Variants in ENTREP2 observed in about 807,000 individuals in gnomAD.
ENTREP2 encodes protein ENTREP2.
the ENTREP2 span, among the ~76,000 whole-genome samples, chr15:29,620,900 G>T: frequency 6.6e-6 from 1 of 152,064 alleles, no homozygotes; most frequent in Non-Finnish European, 1.5e-5. Flanking sequence ...GATGTTTCTT[G>T]TTAGAAGCTG....
the ENTREP2 span, among the ~76,000 whole-genome samples, chr15:29,283,666 A>C: frequency 6.6e-6 from 1 of 152,232 alleles, no homozygotes; most frequent in African/African-American, 2.4e-5. Flanking sequence ...GGTTTGAAGG[A>C]AGGAGACAGC....
At chr15:29,415,753 G>A in the ENTREP2 span, among the ~76,000 whole-genome samples, 15 of 152,022 alleles carry the variant, frequency 9.9e-5, no homozygotes, top group Non-Finnish European at 1.9e-4. Context: ...AGAAAACCCC[G>A]TCGTCTCAGC....
the ENTREP2 span, among the ~76,000 whole-genome samples, chr15:29,242,786 G>A: frequency 1.3e-5 from 2 of 152,202 alleles, no homozygotes; most frequent in South Asian, 2.1e-4. Context: ...TCAGAGAACC[G>A]CAGAGCTGGG....
the ENTREP2 span, among the ~76,000 whole-genome samples, chr15:29,514,244 G>GC: frequency 6.6e-6 from 1 of 151,992 alleles, no homozygotes; most frequent in Non-Finnish European, 1.5e-5. Context: ...CCTCCCTCCA[G>GC]CCCCCGGCAA....
the ENTREP2 span, among the ~76,000 whole-genome samples, chr15:29,294,971 T>C: frequency 6.6e-6 from 1 of 152,116 alleles, no homozygotes; most frequent in Non-Finnish European, 1.5e-5. Context: ...AGGCTGTCGG[T>C]GCTGCAAGGA....
At chr15:29,118,954 C>G in the ENTREP2 span, among the ~76,000 whole-genome samples, 2 of 152,184 alleles carry the variant, frequency 1.3e-5, no homozygotes, top group African/African-American at 2.4e-5. Context: ...TCTGGCCTGC[C>G]CACAGCAGCG....
At chr15:29,570,709 G>A in the ENTREP2 span, 3 of 1,087,076 alleles carry the variant, frequency 2.8e-6, no homozygotes, top group Non-Finnish European at 3.3e-6. Flanking sequence ...CTCGGGGGCC[G>A]CCGGCCGGAG....
chr15:29,176,093 A>T, the ENTREP2 span, among the ~76,000 whole-genome samples: 1 of 152,268 alleles, frequency 6.6e-6, no homozygotes, highest in Non-Finnish European at 1.5e-5. Context: ...AAGTAATTTC[A>T]ACGATCTTAT....
the ENTREP2 span, among the ~76,000 whole-genome samples, chr15:29,480,733 A>C: frequency 2.0e-5 from 3 of 152,126 alleles, no homozygotes; most frequent in East Asian, 5.8e-4. Flanking sequence ...CCTGGTGGAC[A>C]CTGGTTTAGA....
the ENTREP2 span, among the ~76,000 whole-genome samples, chr15:29,344,177 G>GC: frequency 1.8e-4 from 28 of 152,240 alleles, no homozygotes; most frequent in Non-Finnish European, 3.5e-4. Flanking sequence ...GGCTGGAGTG[G>GC]CCAGCCTGTG....
At chr15:29,215,900 A>C in the ENTREP2 span, among the ~76,000 whole-genome samples, 1 of 152,014 alleles carries the variant, frequency 6.6e-6, no homozygotes, top group African/African-American at 2.4e-5. Flanking sequence ...GTTCTTATCT[A>C]TTCTGTGGTT....
chr15:29,186,141 C>A, the ENTREP2 span, among the ~76,000 whole-genome samples: 5 of 152,168 alleles, frequency 3.3e-5, no homozygotes, highest in African/African-American at 1.2e-4. Flanking sequence ...CTACTAATAT[C>A]TATGCTGGAC....
the ENTREP2 span, among the ~76,000 whole-genome samples, chr15:29,331,224 G>A: frequency 6.6e-5 from 10 of 152,194 alleles, no homozygotes; most frequent in Non-Finnish European, 8.8e-5. Context: ...CTTCTCAATC[G>A]GCAGCAGGTG....
chr15:29,581,942 GTT>G, the ENTREP2 span, among the ~76,000 whole-genome samples: 303 of 138,826 alleles, frequency 2.2e-3, no homozygotes, highest in East Asian at 4.3e-3. Context: ...AAATATGCTG[GTT>G]TTTTTTTTTT....
chr15:29,537,747 A>G, the ENTREP2 span, among the ~76,000 whole-genome samples: 3 of 152,116 alleles, frequency 2.0e-5, no homozygotes, highest in Non-Finnish European at 1.5e-5. Flanking sequence ...TCATTCAGAG[A>G]AAAAGCCACC....
the ENTREP2 span, among the ~76,000 whole-genome samples, chr15:29,639,495 A>G: frequency 6.6e-6 from 1 of 152,198 alleles, no homozygotes; most frequent in African/African-American, 2.4e-5. Context: ...GGCTGTACAA[A>G]CTAAAAGTAA....
At chr15:29,142,760 T>C in the ENTREP2 span, among the ~76,000 whole-genome samples, 1 of 152,094 alleles carries the variant, frequency 6.6e-6, no homozygotes, top group Admixed American at 6.5e-5. Context: ...CTAATGGAGA[T>C]ACATGTCATA....
chr15:29,346,875 T>A, the ENTREP2 span, among the ~76,000 whole-genome samples: 2 of 152,204 alleles, frequency 1.3e-5, no homozygotes, highest in African/African-American at 4.8e-5. Context: ...AAGGCGCAAG[T>A]CACATCTTAA....
chr15:29,383,026 C>T, the ENTREP2 span, among the ~76,000 whole-genome samples: 56 of 152,196 alleles, frequency 3.7e-4, 1 homozygote, highest in East Asian at 7.6e-3. Flanking sequence ...TCCCAGGGGC[C>T]GCTCTCCTCC....
Sources: allele counts gnomAD v4.1 joint callset (sites outside exome capture counted in the v4.1 genomes callset), GRCh38; gene constraint gnomAD v4.1.1; transcripts MANE v1.5; gene names NCBI Gene and HGNC (gene_info 2026-07-23, HGNC 2026-07-21).